The following FTO variants were observed in gnomAD, a reference collection of about 807,000 sequenced individuals.
The protein encoded by FTO is alpha-ketoglutarate-dependent dioxygenase FTO.
Under a neutral mutation model 63.9 loss-of-function variants are expected in FTO, and 47 were observed. That is an observed-to-expected ratio of 0.74 (90% CI 0.58 to 0.94). The LOEUF is 0.94. Among genes scored for constraint, FTO ranks in the 40% least tolerant of loss-of-function variants. The pLI, the probability that FTO is intolerant of heterozygous loss-of-function variation, is 0.00. For missense variants in FTO, 562 were observed against 618.1 expected (o/e 0.91, Z 0.96); for synonymous variants, 207 against 224.4 (o/e 0.92, Z 0.69).
chr16:53,722,483 C>T (rs1320810798), intron 1 of FTO, among the ~76,000 whole-genome samples: 1 of 151,960 alleles, frequency 6.6e-6, no homozygotes, highest in African/African-American at 2.4e-5. Flanking sequence ...GTTATTTAAC[C>T]TTAACTCTTA....
intron 8 of FTO, among the ~76,000 whole-genome samples, chr16:53,941,872 C>T (rs778346693): frequency 6.6e-6 from 1 of 152,154 alleles, no homozygotes; most frequent in Non-Finnish European, 1.5e-5. Flanking sequence ...ATTTGCACCC[C>T]AGATCTTTGT....
intron 1 of FTO, among the ~76,000 whole-genome samples, chr16:53,807,528 T>C (rs1255055846): frequency 6.6e-6 from 1 of 152,226 alleles, no homozygotes; most frequent in African/African-American, 2.4e-5. Context: ...CTGTTTCATC[T>C]GATTTAGGTG....
chr16:53,818,202 A>G (rs1030917430), intron 2 of FTO, among the ~76,000 whole-genome samples: 1 of 152,058 alleles, frequency 6.6e-6, no homozygotes, highest in African/African-American at 2.4e-5. Context: ...AAAATTGAAC[A>G]AATGCTTCAT....
At chr16:54,076,262 C>T (rs2085990385) in intron 8 of FTO, among the ~76,000 whole-genome samples, 1 of 152,078 alleles carries the variant, frequency 6.6e-6, no homozygotes, top group Non-Finnish European at 1.5e-5. Flanking sequence ...TGTTAGGTAA[C>T]TAAAAAGAGG....
At chr16:53,862,153 C>G (rs2080191609) in intron 4 of FTO, among the ~76,000 whole-genome samples, 2 of 152,144 alleles carry the variant, frequency 1.3e-5, no homozygotes, top group South Asian at 4.2e-4. Context: ...GAGGCTGAGG[C>G]AGGAGAATCA....
chr16:53,814,796 T>A (rs973356586), intron 2 of FTO: 1 of 152,222 alleles, frequency 6.6e-6, no homozygotes, highest in Non-Finnish European at 1.5e-5. Context: ...TCATATTCAT[T>A]AAGTTACTTA....
intron 1 of FTO, among the ~76,000 whole-genome samples, chr16:53,729,469 C>T (rs1344711440): frequency 2.7e-5 from 4 of 148,992 alleles, no homozygotes; most frequent in African/African-American, 9.9e-5. Context: ...CGCCACTGCA[C>T]TCCAGCCTGC....
rs1438925262 is a variant in FTO, at chr16:53,755,099, T to G, written c.45+50870T>G. ...GAAGAAGTAATTATGTTTAGCTGACTGACTATGACCAAGATTAATAGCTCT... is the reference window on the plus strand; with the variant it reads ...GAAGAAGTAATTATGTTTAGCTGACGGACTATGACCAAGATTAATAGCTCT... On this transcript the variant is annotated intron_variant, in intron 1 of 8. Coordinates refer to ENST00000471389, the MANE Select transcript of FTO (RefSeq NM_001080432.3). Among the ~76,000 whole-genome samples the G allele has an allele frequency of 2.0e-5, 3 of 152,222 alleles. No homozygotes were observed. In the East Asian group the frequency reaches 5.8e-4, roughly 29 times the overall value.
chr16:53,901,512 G>T lies in FTO; in HGVS notation c.1239+12561G>T, dbSNP rs1056376493. Among the ~76,000 whole-genome samples, 6 of 152,120 alleles carry T rather than the reference G, an allele frequency of 3.9e-5. No individual in the cohort carries two copies. The South Asian group carries it at 1.0e-3, about 26-fold the overall frequency. Reference sequence around the variant, plus strand: ...GATTTGGTTCAAGAGAGTGGATGTGGTCTTCTCTCACTTCCACTGCTGAAA... The same window carrying T: ...GATTTGGTTCAAGAGAGTGGATGTGTTCTTCTCTCACTTCCACTGCTGAAA... On this transcript the variant is annotated intron_variant, in intron 7 of 8. Coordinates refer to ENST00000471389, the MANE Select transcript of FTO (RefSeq NM_001080432.3).
At chr16:54,041,883 T>C (rs2085085289) in intron 8 of FTO, among the ~76,000 whole-genome samples, 1 of 152,174 alleles carries the variant, frequency 6.6e-6, no homozygotes, top group Non-Finnish European at 1.5e-5. Context: ...GTGCTGATGA[T>C]ACAAAAGGAA....
chr16:53,969,208 A>G (rs1408784042), intron 8 of FTO, among the ~76,000 whole-genome samples: 1 of 149,258 alleles, frequency 6.7e-6, no homozygotes, highest in African/African-American at 2.6e-5. Flanking sequence ...CTTTATATTA[A>G]AAGAATCTTC....
chr16:53,847,020 A>G (rs748297582), intron 4 of FTO, among the ~76,000 whole-genome samples: 10 of 152,168 alleles, frequency 6.6e-5, no homozygotes, highest in Non-Finnish European at 1.3e-4. Context: ...TTTTCTGTAT[A>G]TGTATGTCTG....
At position 54,112,740 on chromosome 16, in the gene FTO, A is replaced by G. The variant is rs1294615223; in HGVS notation, c.*825A>G. ...TGTTAATAATTAAAATAAAGTTGAT[A>G]TCCTGTCTTTAGGGAGTTCCCTTGA... On this transcript the variant is annotated 3_prime_UTR_variant, in exon 9 of 9. Coordinates refer to ENST00000471389, the MANE Select transcript of FTO (RefSeq NM_001080432.3). The G allele has an allele frequency of 6.6e-6, 1 of 152,188 alleles. No homozygotes were observed. The highest frequency in any genetic ancestry group is 2.4e-5 in the African/African-American group (1 of 41,442). 9.4% of individuals were successfully genotyped at this position (152,188 alleles called of 1,614,324 possible).
At chr16:53,813,215 T>TC (rs1270468610) in intron 2 of FTO, among the ~76,000 whole-genome samples, 1 of 146,034 alleles carries the variant, frequency 6.8e-6, no homozygotes, top group Non-Finnish European at 1.5e-5. Flanking sequence ...GTTTTTCTTT[T>TC]CTTTTTTTTT....
At chr16:53,916,481 A>C (rs2081868779) in intron 7 of FTO, among the ~76,000 whole-genome samples, 1 of 152,228 alleles carries the variant, frequency 6.6e-6, no homozygotes. Flanking sequence ...TGTTCCTATA[A>C]ACGTAAGACA....
chr16:53,826,641 C>A (rs566997616), intron 3 of FTO, 150 bp downstream of exon 3: 83 of 741,504 alleles, frequency 1.1e-4, no homozygotes, highest in Non-Finnish European at 1.6e-4. Flanking sequence ...ATCATGTGTC[C>A]TTTTTAGTCT....
chr16:54,091,500 A>G (rs562741465), intron 8 of FTO, among the ~76,000 whole-genome samples: 2 of 152,284 alleles, frequency 1.3e-5, no homozygotes, highest in African/African-American at 2.4e-5. Context: ...TGATCACACC[A>G]CTGTGCACTC....
At position 53,898,095 on chromosome 16, in the gene FTO, C is replaced by T. The variant is rs148513743; in HGVS notation, c.1239+9144C>T. On this transcript the variant is annotated intron_variant, in intron 7 of 8. Transcript: ENST00000471389. Reference sequence around the variant, plus strand: ...TGTTCCTTTGAGATACAAGTCAGGTCGTCGTTTCACTCCCCTGTTTCAAAC... The same window carrying T: ...TGTTCCTTTGAGATACAAGTCAGGTTGTCGTTTCACTCCCCTGTTTCAAAC... Among the ~76,000 whole-genome samples the T allele has an allele frequency of 6.6e-3, 1,003 of 152,220 alleles. 12 individuals carry two copies. Among genetic ancestry groups the T allele is most frequent in the African/African-American group, 0.022 (914 of 41,536 alleles).
intron 1 of FTO, among the ~76,000 whole-genome samples, chr16:53,757,967 T>TC: frequency 6.6e-6 from 1 of 152,302 alleles, no homozygotes; most frequent in Admixed American, 6.5e-5. Context: ...AGCTGACTGT[T>TC]CCGTTGGAGT....
Sources: gnomAD v4.1 joint callset for allele counts (sites outside exome capture counted in the v4.1 genomes callset) on GRCh38, gnomAD v4.1.1 for gene constraint, MANE v1.5 for transcripts, NCBI Gene and HGNC (gene_info 2026-07-23, HGNC 2026-07-21) for gene names.